Variants in PHACTR1 observed in about 807,000 individuals in gnomAD.
PHACTR1 encodes RPEL repeat containing 1.
In PHACTR1, 16 loss-of-function variants were observed where a neutral mutation model predicts 69.2. The ratio of observed to expected loss-of-function variants is 0.23; its 90% CI spans 0.16 to 0.35. The LOEUF is 0.35. Among genes scored for constraint, PHACTR1 ranks in the 10% least tolerant of loss-of-function variants. The pLI is 1.00. For synonymous variants in PHACTR1, 312 were observed against 284.5 expected (o/e 1.10, Z -0.97); for missense variants, 510 against 734.7 (o/e 0.69, Z 3.54).
chr6:12,994,191 A>T lies in PHACTR1; in HGVS notation c.251-59174A>T, dbSNP rs547763362. On this transcript the variant is annotated intron_variant, in intron 4 of 14. Coordinates refer to ENST00000332995, the MANE Select transcript of PHACTR1 (RefSeq NM_030948.6). ...AAAGATAGAATTAATAAACTGGAAG[A>T]TCAAAGAAAATCAGCCAGAATGAAG... 2.0e-5 allele frequency among the ~76,000 whole-genome samples: 3 copies of T among 152,320 alleles called. No homozygotes were observed. The South Asian group carries it at 6.2e-4, about 32-fold the overall frequency.
intron 4 of PHACTR1, among the ~76,000 whole-genome samples, chr6:12,859,158 A>G (rs1780693729): frequency 6.6e-6 from 1 of 152,234 alleles, no homozygotes. Flanking sequence ...CTTTACAAAC[A>G]TGACTTAATA....
intron 4 of PHACTR1, among the ~76,000 whole-genome samples, chr6:12,844,498 C>T (rs1447433847): frequency 2.0e-5 from 3 of 152,060 alleles, no homozygotes; most frequent in African/African-American, 4.8e-5. Flanking sequence ...GCACCCAGGT[C>T]GTGATGCCTT....
In PHACTR1 at chr6:13,024,148, T is replaced by G. The variant is rs1215714079; in HGVS notation, c.251-29217T>G. ...CATATTAGTTTGAATTATTGAGAGA[T>G]GCATTATAGGGAGATGTTGCTGATT... is the stretch of plus-strand genomic sequence containing the variant. On this transcript the variant is annotated intron_variant, in intron 4 of 14. Transcript: ENST00000332995. 2.6e-5 allele frequency among the ~76,000 whole-genome samples: 4 copies of G among 152,056 alleles called. No individual in the cohort carries two copies. In the East Asian group the frequency reaches 7.7e-4, roughly 29 times the overall value.
intron 5 of PHACTR1, among the ~76,000 whole-genome samples, chr6:13,065,612 TA>T (rs1808505647): frequency 6.6e-6 from 1 of 151,720 alleles, no homozygotes; most frequent in African/African-American, 2.4e-5. Flanking sequence ...AAATGAGAAA[TA>T]TATAGCAAAC....
At chr6:12,787,593 G>C (rs1230150195) in intron 4 of PHACTR1, among the ~76,000 whole-genome samples, 2 of 152,178 alleles carry the variant, frequency 1.3e-5, no homozygotes. Flanking sequence ...GGGAGACTAT[G>C]GGGGAAAGCT....
intron 8 of PHACTR1, among the ~76,000 whole-genome samples, chr6:13,226,227 T>C (rs1011935856): frequency 6.6e-6 from 1 of 152,220 alleles, no homozygotes; most frequent in Admixed American, 6.5e-5. Context: ...TTTGTGTCAC[T>C]GAAGAGTTCT....
intron 4 of PHACTR1, among the ~76,000 whole-genome samples, chr6:12,937,802 A>T (rs1161235394): frequency 4.6e-5 from 7 of 152,198 alleles, no homozygotes; most frequent in African/African-American, 1.7e-4. Context: ...GCAATGCAAA[A>T]GATAAAACAG....
At chr6:13,165,451 C>T (rs1409770571) in intron 6 of PHACTR1, among the ~76,000 whole-genome samples, 3 of 152,176 alleles carry the variant, frequency 2.0e-5, no homozygotes, top group Non-Finnish European at 2.9e-5. Context: ...ACCAGGTGCT[C>T]CCTCCGTGCC....
intron 8 of PHACTR1, among the ~76,000 whole-genome samples, chr6:13,217,028 T>C (rs895917924): frequency 2.6e-5 from 4 of 152,208 alleles, no homozygotes; most frequent in African/African-American, 9.6e-5. Flanking sequence ...ATTGACTCTT[T>C]GATCTTCTTG....
At chr6:13,173,067 C>G (rs560878329) in intron 6 of PHACTR1, among the ~76,000 whole-genome samples, 1 of 152,122 alleles carries the variant, frequency 6.6e-6, no homozygotes. Flanking sequence ...TCCTACAGTC[C>G]CCTGTAGTGT....
intron 4 of PHACTR1, among the ~76,000 whole-genome samples, chr6:12,959,176 C>CAAAAAAAAA (rs70989814): frequency 2.6e-4 from 12 of 46,230 alleles, no homozygotes; most frequent in African/African-American, 9.4e-4. Flanking sequence ...GACTTTATCT[C>CAAAAAAAAA]AAAAAAAAAA....
At chr6:13,173,972 G>A (rs1003560467) in intron 6 of PHACTR1, among the ~76,000 whole-genome samples, 1 of 152,182 alleles carries the variant, frequency 6.6e-6, no homozygotes, top group Non-Finnish European at 1.5e-5. Context: ...CTCCTAAAGT[G>A]CTGGGATAAC....
chr6:12,991,434 A>C (rs533098267), intron 4 of PHACTR1, among the ~76,000 whole-genome samples: 7 of 152,192 alleles, frequency 4.6e-5, no homozygotes, highest in Admixed American at 1.3e-4. Context: ...CAGTGATTAC[A>C]ACAGGTCATT....
At chr6:12,809,643 C>T (rs1774798660) in intron 4 of PHACTR1, among the ~76,000 whole-genome samples, 1 of 152,164 alleles carries the variant, frequency 6.6e-6, no homozygotes, top group South Asian at 2.1e-4. Context: ...ATTCTATTTA[C>T]TTCTAGGGAA....
Position 12,749,719 on chromosome 6 carries a change from T to C in PHACTR1, c.179T>C (p.Ile60Thr). The change falls in exon 4 of 15, where the codon ATC becomes ACC. Residue 60 changes from isoleucine to threonine, a missense_variant. Ile to Thr is a moderately conservative substitution (Grantham distance 89, BLOSUM62 -1). Transcript: ENST00000332995. ...SSEDDIDRRPIRRVRSKSDTP... is the reference protein window; with the variant it reads ...SSEDDIDRRPTRRVRSKSDTP... ...GAGGATGATATAGACCGGCGGCCCA[T>C]CCGGAGAGTGCGCTCCAAGAGCGAC... The C allele has an allele frequency of 6.2e-7, 1 of 1,611,486 alleles. No individual in the cohort carries two copies. The highest frequency in any genetic ancestry group is 8.5e-7 in the Non-Finnish European group (1 of 1,179,312).
chr6:12,944,030 T>C (rs1440697632), intron 4 of PHACTR1, among the ~76,000 whole-genome samples: 1 of 152,242 alleles, frequency 6.6e-6, no homozygotes, highest in Non-Finnish European at 1.5e-5. Context: ...GCATGTGGGA[T>C]TAATTGGAAA....
chr6:13,014,560 C>T (rs1049602428), intron 4 of PHACTR1, among the ~76,000 whole-genome samples: 15 of 152,170 alleles, frequency 9.9e-5, no homozygotes, highest in Non-Finnish European at 1.3e-4. Context: ...ACATGGGCTT[C>T]CTTCGGGTGG....
At chr6:12,909,908 C>T (rs982017537) in intron 4 of PHACTR1, among the ~76,000 whole-genome samples, 1 of 152,232 alleles carries the variant, frequency 6.6e-6, no homozygotes, top group African/African-American at 2.4e-5. Flanking sequence ...TTCTAACAAA[C>T]AACCATTGGT....
chr6:13,184,877 T>TTTCA (rs759074734), intron 7 of PHACTR1: 12 of 1,366,612 alleles, frequency 8.8e-6, no homozygotes, highest in Non-Finnish European at 1.2e-5. Context: ...GTCCTGCTAC[T>TTTCA]GCCCCCCAAA....
Sources: allele counts gnomAD v4.1 joint callset (sites outside exome capture counted in the v4.1 genomes callset), GRCh38; gene constraint gnomAD v4.1.1; transcripts MANE v1.5; gene names NCBI Gene and HGNC (gene_info 2026-07-23, HGNC 2026-07-21).